The following PIGK variants were observed in gnomAD, a reference collection of about 807,000 sequenced individuals.
PIGK encodes the protein GPI-anchor transamidase.
Under a neutral mutation model 50.6 loss-of-function variants are expected in PIGK, and 42 were observed. That is an observed-to-expected ratio of 0.83 (90% CI 0.65 to 1.07). The LOEUF is 1.07. Ranked by LOEUF, PIGK falls within the 50% of genes least tolerant of loss-of-function variation. The pLI is 0.00. For synonymous variants in PIGK, 151 were observed against 156.0 expected, an observed-to-expected ratio of 0.97 and a Z score of 0.24; for missense variants, 448 against 488.7, an observed-to-expected ratio of 0.92 and a Z score of 0.78.
chr1:77,122,189 T>C, intron 10 of PIGK, 86 bp downstream of exon 10: 2 of 851,042 alleles, frequency 2.4e-6, no homozygotes, highest in Non-Finnish European at 2.0e-6. Context: ...CTATAGCACA[T>C]TGATTCTGAA....
chr1:77,174,081 T>C (rs976558255), intron 3 of PIGK, among the ~76,000 whole-genome samples: 2 of 152,240 alleles, frequency 1.3e-5, no homozygotes, highest in African/African-American at 2.4e-5. Context: ...CTTTTTACAA[T>C]GGTGGCCTGA....
chr1:77,142,627 C>T (rs1654673116), intron 9 of PIGK, among the ~76,000 whole-genome samples: 1 of 152,038 alleles, frequency 6.6e-6, no homozygotes, highest in African/African-American at 2.4e-5. Context: ...TGGCAGAAGG[C>T]AAAGGGGAAG....
intron 9 of PIGK, among the ~76,000 whole-genome samples, chr1:77,142,549 T>C (rs918228835): frequency 3.3e-5 from 5 of 152,114 alleles, no homozygotes; most frequent in Non-Finnish European, 7.4e-5. Flanking sequence ...GGGTAATTTA[T>C]AAAGGAAAGC....
At chr1:77,101,323 C>G (rs1653535753) in intron 10 of PIGK, among the ~76,000 whole-genome samples, 1 of 152,078 alleles carries the variant, frequency 6.6e-6, no homozygotes, top group Non-Finnish European at 1.5e-5. Context: ...TAAGACCTAC[C>G]TCAAATTTCA....
At chr1:77,134,742 G>C in intron 9 of PIGK, among the ~76,000 whole-genome samples, 1 of 151,996 alleles carries the variant, frequency 6.6e-6, no homozygotes, top group East Asian at 1.9e-4. Flanking sequence ...TTTCCTAATT[G>C]TTCTTGGTGA....
intron 9 of PIGK, among the ~76,000 whole-genome samples, chr1:77,133,219 T>C (rs1654418460): frequency 6.6e-6 from 1 of 152,104 alleles, no homozygotes; most frequent in East Asian, 1.9e-4. Context: ...GTTTCAATAT[T>C]TTCTATTGTA....
intron 3 of PIGK, among the ~76,000 whole-genome samples, chr1:77,184,800 A>G (rs1485154815): frequency 6.6e-6 from 1 of 152,186 alleles, no homozygotes; most frequent in East Asian, 1.9e-4. Flanking sequence ...GGTGAGCACT[A>G]TTACAGTGGG....
At chr1:77,095,296 A>C (rs955384938) in intron 10 of PIGK, among the ~76,000 whole-genome samples, 3 of 152,308 alleles carry the variant, frequency 2.0e-5, no homozygotes, top group East Asian at 3.9e-4. Context: ...AGTTTCCCAG[A>C]AACAAGGATT....
At chr1:77,136,087 C>A (rs1388670288) in intron 9 of PIGK, among the ~76,000 whole-genome samples, 1 of 152,204 alleles carries the variant, frequency 6.6e-6, no homozygotes, top group Non-Finnish European at 1.5e-5. Flanking sequence ...CAAACACTCT[C>A]AGCTTTTGCA....
At chr1:77,151,685 C>A (rs1286438610) in intron 9 of PIGK, among the ~76,000 whole-genome samples, 1 of 152,052 alleles carries the variant, frequency 6.6e-6, no homozygotes, top group Non-Finnish European at 1.5e-5. Flanking sequence ...AAATCAGTAG[C>A]ATTTTTATCC....
chr1:77,152,403 G>A (rs1453468050), intron 9 of PIGK, among the ~76,000 whole-genome samples: 1 of 151,876 alleles, frequency 6.6e-6, no homozygotes, highest in Non-Finnish European at 1.5e-5. Context: ...ACTACTAAAA[G>A]GAAACACTGG....
At chr1:77,115,160 A>T (rs1288306413) in intron 10 of PIGK, among the ~76,000 whole-genome samples, 1 of 152,216 alleles carries the variant, frequency 6.6e-6, no homozygotes, top group African/African-American at 2.4e-5. Flanking sequence ...ATAAACAAAA[A>T]CAGAAGAATT....
chr1:77,159,929 C>T (rs545367395), intron 8 of PIGK, among the ~76,000 whole-genome samples: 8 of 152,120 alleles, frequency 5.3e-5, no homozygotes, highest in Admixed American at 2.0e-4. Flanking sequence ...TGGGAAGGCA[C>T]GATTGGTTTT....
rs141858558 is a variant in PIGK, at chr1:77,096,881, CT to C, written c.1072-4392del. Among the ~76,000 whole-genome samples the C allele has an allele frequency of 1.1e-3, 133 of 124,314 alleles. 1 individual carries two copies. The highest frequency in any genetic ancestry group is 1.9e-3 in the African/African-American group (63 of 32,658). 81.6% of individuals were successfully genotyped at this position (124,314 alleles called of 152,430 possible). A position where few individuals can be genotyped will look rare whatever the true frequency, so the allele number is the denominator to read the frequency against. ...TCCATACTTGTAGCTTCGGGTTTTTCTTTTTTTTTTTTTTTTGTTTTTTTGT... is the reference window on the plus strand; with the variant it reads ...TCCATACTTGTAGCTTCGGGTTTTTCTTTTTTTTTTTTTTTGTTTTTTTGT... On this transcript the variant is annotated intron_variant, in intron 10 of 10. Transcript: ENST00000370812.
At chr1:77,139,496 A>G (rs1302709006) in intron 9 of PIGK, among the ~76,000 whole-genome samples, 1 of 152,124 alleles carries the variant, frequency 6.6e-6, no homozygotes, top group African/African-American at 2.4e-5. Context: ...CCCGCTTTTT[A>G]AAGTAAATCT....
chr1:77,100,927 T>G (rs571234768), intron 10 of PIGK, among the ~76,000 whole-genome samples: 1 of 152,258 alleles, frequency 6.6e-6, no homozygotes, highest in East Asian at 1.9e-4. Flanking sequence ...GAGCCTCAAA[T>G]AAGATTACAG....
chr1:77,191,597 C>T (rs1426084072), intron 3 of PIGK, among the ~76,000 whole-genome samples: 2 of 152,210 alleles, frequency 1.3e-5, no homozygotes, highest in Non-Finnish European at 2.9e-5. Context: ...TTTCTAGCGT[C>T]AAATGGCAAG....
chr1:77,094,570 T>C (rs1367803560), intron 10 of PIGK, among the ~76,000 whole-genome samples: 1 of 152,264 alleles, frequency 6.6e-6, no homozygotes, highest in East Asian at 1.9e-4. Flanking sequence ...TTATAGCACA[T>C]CTTAATTCTG....
chr1:77,163,214 T>C (rs1388987571), intron 6 of PIGK, among the ~76,000 whole-genome samples: 1 of 152,198 alleles, frequency 6.6e-6, no homozygotes, highest in African/African-American at 2.4e-5. Flanking sequence ...ATTGTATACA[T>C]ATTTCTCTTT....
Sources: gnomAD v4.1 joint callset for allele counts (sites outside exome capture counted in the v4.1 genomes callset) on GRCh38, gnomAD v4.1.1 for gene constraint, MANE v1.5 for transcripts, NCBI Gene and HGNC (gene_info 2026-07-23, HGNC 2026-07-21) for gene names.